The following PTPRC variants were observed in gnomAD, a reference collection of about 807,000 sequenced individuals.
PTPRC encodes receptor-type tyrosine-protein phosphatase C.
A neutral mutation model predicts 155.9 loss-of-function variants in PTPRC; 44 were observed. The observed-to-expected ratio is 0.28, with a 90% CI of 0.22 to 0.36. The LOEUF (loss-of-function observed/expected upper bound fraction) is 0.36. Ranked by LOEUF, PTPRC falls within the 10% of genes least tolerant of loss-of-function variation. PTPRC has a pLI of 1.00. For synonymous variants in PTPRC, 525 were observed against 533.1 expected, an observed-to-expected ratio of 0.98 and a Z score of 0.21; for missense variants, 1,401 against 1,564.6, an observed-to-expected ratio of 0.90 and a Z score of 1.76.
At position 198,731,616 on chromosome 1, in the gene PTPRC, G is replaced by T; in HGVS notation, c.1865-1G>T. The T allele has an allele frequency of 6.3e-7, 1 of 1,598,438 alleles. No individual in the cohort carries two copies. Among genetic ancestry groups the T allele is most frequent in the Non-Finnish European group, 8.6e-7 (1 of 1,166,418 alleles). ...GTATTGAATCTTTAATATGTTTCCA[G>T]ATGATGAAAAACAACTGATGAATGT... On this transcript the variant is annotated splice_acceptor_variant, in intron 17 of 32. Coordinates refer to ENST00000442510, the MANE Select transcript of PTPRC (RefSeq NM_002838.5). LOFTEE classifies it high-confidence loss of function.
chr1:198,737,611 G>T (rs866608495), intron 23 of PTPRC, among the ~76,000 whole-genome samples: 1 of 151,626 alleles, frequency 6.6e-6, no homozygotes, highest in Non-Finnish European at 1.5e-5. Context: ...CTCTAGTTTT[G>T]TTCTTTTCAC....
chr1:198,708,763 G>C (rs1048011410), intron 10 of PTPRC, among the ~76,000 whole-genome samples: 1 of 152,126 alleles, frequency 6.6e-6, no homozygotes, highest in Admixed American at 6.5e-5. Flanking sequence ...GTGCATCTAG[G>C]GATATGTTTG....
intron 32 of PTPRC, among the ~76,000 whole-genome samples, chr1:198,755,671 A>C (rs1415146236): frequency 6.6e-6 from 1 of 152,094 alleles, no homozygotes; most frequent in Non-Finnish European, 1.5e-5. Context: ...GAGCGGAGTG[A>C]ACACTGGTTT....
At chr1:198,665,086 T>C (rs199769587) in intron 2 of PTPRC, among the ~76,000 whole-genome samples, 5,465 of 119,968 alleles carry the variant, frequency 0.046, 224 homozygotes, top group East Asian at 0.13. Context: ...CAGCATTTTT[T>C]TTTTTTTTTT....
chr1:198,672,347 C>A (rs569826820), intron 2 of PTPRC, among the ~76,000 whole-genome samples: 42 of 152,298 alleles, frequency 2.8e-4, no homozygotes, highest in African/African-American at 9.9e-4. Flanking sequence ...GGTCCTGATA[C>A]CATCATCAAA....
At chr1:198,683,651 G>A (rs1250456575) in intron 2 of PTPRC, among the ~76,000 whole-genome samples, 2 of 151,992 alleles carry the variant, frequency 1.3e-5, no homozygotes, top group East Asian at 1.9e-4. Flanking sequence ...CACAGATCAC[G>A]TTACCCCACA....
At chr1:198,753,759 T>G (rs2102551729) in intron 31 of PTPRC, among the ~76,000 whole-genome samples, 1 of 152,196 alleles carries the variant, frequency 6.6e-6, no homozygotes, top group African/African-American at 2.4e-5. Flanking sequence ...TTGCCCTCTT[T>G]TTAGTGAATA....
chr1:198,693,754 C>A (rs572889557), intron 3 of PTPRC, among the ~76,000 whole-genome samples: 7 of 152,218 alleles, frequency 4.6e-5, no homozygotes, highest in African/African-American at 1.7e-4. Context: ...ATTTTAAATT[C>A]TTATTTGTGA....
intron 15 of PTPRC, among the ~76,000 whole-genome samples, chr1:198,726,835 C>T (rs911217743): frequency 1.3e-5 from 2 of 149,404 alleles, no homozygotes; most frequent in South Asian, 2.1e-4. Context: ...CATTTGTTCA[C>T]TTACCTTTCT....
intron 2 of PTPRC, among the ~76,000 whole-genome samples, chr1:198,673,999 A>T (rs1326693721): frequency 1.3e-5 from 2 of 152,246 alleles, no homozygotes; most frequent in African/African-American, 4.8e-5. Flanking sequence ...TCTTCTTAGT[A>T]GACTTTTGTT....
chr1:198,711,444 T>A (rs954648788), intron 11 of PTPRC, among the ~76,000 whole-genome samples: 6 of 152,136 alleles, frequency 3.9e-5, no homozygotes, highest in East Asian at 1.9e-4. Flanking sequence ...AGAAAAAAAA[T>A]GAACATCAGC....
intron 2 of PTPRC, among the ~76,000 whole-genome samples, chr1:198,648,478 A>G (rs1381067923): frequency 5.3e-5 from 8 of 151,774 alleles, no homozygotes; most frequent in Non-Finnish European, 1.2e-4. Flanking sequence ...CTTAGTGGTC[A>G]GTTTAATAAC....
chr1:198,651,594 C>CT (rs1276748565), intron 2 of PTPRC, among the ~76,000 whole-genome samples: 1 of 151,564 alleles, frequency 6.6e-6, no homozygotes, highest in Non-Finnish European at 1.5e-5. Flanking sequence ...TAAGAAAAAG[C>CT]TAATAAAAAA....
At chr1:198,692,243 T>C (rs534166576) in intron 2 of PTPRC, 104 bp from the exon 3 acceptor site, 574 of 803,780 alleles carry the variant, frequency 7.1e-4, no homozygotes, top group South Asian at 1.6e-3. Context: ...ACTTGGTGAA[T>C]GTTCTATCAT....
chr1:198,668,159 G>A (rs1424485051), intron 2 of PTPRC, among the ~76,000 whole-genome samples: 2 of 152,128 alleles, frequency 1.3e-5, no homozygotes, highest in African/African-American at 4.8e-5. Context: ...CTATCTGGAG[G>A]AAGAGCATTC....
chr1:198,731,204 A>G (rs1387246145), intron 17 of PTPRC, among the ~76,000 whole-genome samples: 1 of 152,056 alleles, frequency 6.6e-6, no homozygotes, highest in Non-Finnish European at 1.5e-5. Flanking sequence ...ATATTGTCTT[A>G]TTTCATTTGC....
intron 2 of PTPRC, chr1:198,680,044 C>T (rs748161134): frequency 3.9e-6 from 2 of 517,638 alleles, no homozygotes; most frequent in Non-Finnish European, 6.8e-6. Context: ...CCTGGCATGG[C>T]TGTGCAAGAA....
chr1:198,678,846 T>C (rs1252828356), intron 2 of PTPRC, among the ~76,000 whole-genome samples: 2 of 152,090 alleles, frequency 1.3e-5, no homozygotes, highest in Non-Finnish European at 2.9e-5. Context: ...TTTTCTTCTT[T>C]AAACTCTGGA....
At chr1:198,704,098 AC>A (rs1313246110) in intron 7 of PTPRC, among the ~76,000 whole-genome samples, 1 of 152,150 alleles carries the variant, frequency 6.6e-6, no homozygotes, top group African/African-American at 2.4e-5. Context: ...TAAACTTCGT[AC>A]TATGGGGGTT....
Sources: allele counts gnomAD v4.1 joint callset (sites outside exome capture counted in the v4.1 genomes callset), GRCh38; gene constraint gnomAD v4.1.1; transcripts MANE v1.5; gene names NCBI Gene and HGNC (gene_info 2026-07-23, HGNC 2026-07-21).